POPDC2: variants seen among roughly 807,000 people sequenced by gnomAD.
POPDC2 encodes the protein popeye domain cAMP effector 2, also known as popeye domain-containing protein 2.
In POPDC2, 24 loss-of-function variants were observed where a neutral mutation model predicts 30.5. That is an observed-to-expected ratio of 0.79 (90% CI 0.57 to 1.11). The LOEUF is 1.11. Among genes scored for constraint, POPDC2 ranks in the 50% least tolerant of loss-of-function variants. The pLI is 0.00. For synonymous variants in POPDC2, 185 were observed against 183.3 expected (o/e 1.01, Z -0.07); for missense variants, 409 against 447.0 (o/e 0.91, Z 0.77).
intron 1 of POPDC2, among the ~76,000 whole-genome samples, chr3:119,655,500 C>T (rs1467465095): frequency 1.3e-5 from 2 of 152,208 alleles, no homozygotes; most frequent in African/African-American, 4.8e-5. Context: ...TCTGTCATCA[C>T]AGAAAGTTCT....
chr3:119,645,290 C>T (rs2052732640), intron 3 of POPDC2, among the ~76,000 whole-genome samples: 2 of 152,230 alleles, frequency 1.3e-5, no homozygotes, highest in South Asian at 2.1e-4. Context: ...AGGCCGGGCG[C>T]AGTGGCTCAC....
At chr3:119,647,625 C>G (rs938706484) in intron 3 of POPDC2, among the ~76,000 whole-genome samples, 1 of 152,220 alleles carries the variant, frequency 6.6e-6, no homozygotes, top group Non-Finnish European at 1.5e-5. Context: ...TTTTCCTCCC[C>G]GAGCTATTAG....
chr3:119,659,960 T>C lies in POPDC2; in HGVS notation c.464A>G (p.Asn155Ser), dbSNP rs199588679. ...TYAVEGETPI[N>S]RLSLLLSGRV... ...GCCAGAGAGCAGCAGGGACAGGCGG[T>C]TGATGGGTGTCTCACCCTCCACAGC... The change falls in exon 1 of 4, where the codon AAC (asparagine) becomes AGC (serine). Residue 155 changes from asparagine to serine, a missense_variant. Physicochemically the swap from Asn to Ser is conservative, Grantham distance 46 (BLOSUM62 1). Transcript: ENST00000493094. 5 of 1,598,064 alleles carry C rather than the reference T, an allele frequency of 3.1e-6. No individual in the cohort carries two copies. In the Admixed American group the frequency reaches 5.0e-5, roughly 16 times the overall value.
rs1426156798 is a variant in POPDC2, at chr3:119,648,668, C to G, written c.601G>C (p.Val201Leu). Residue 201 changes from valine (V) to leucine (L), a missense_variant and splice_region_variant, in exon 3 of 4, where the codon GTC (valine) becomes CTC (leucine). Val to Leu is a conservative substitution (Grantham distance 32, BLOSUM62 1). Coordinates refer to ENST00000493094, the MANE Select transcript of POPDC2 (RefSeq NM_001369919.2). ...LQPSEEGVFQ[V>L]TLTAETSCSY... ...CATGAGGTCTCAGCAGTCAGAGTGA[C>G]CTGAGAGGGGTCAGAAGCAGACAAT... The G allele has an allele frequency of 6.2e-6, 10 of 1,609,954 alleles. No homozygotes were observed. Among genetic ancestry groups the G allele is most frequent in the Non-Finnish European group, 8.5e-6 (10 of 1,177,882 alleles).
At chr3:119,659,213 T>A (rs987590823) in intron 1 of POPDC2, among the ~76,000 whole-genome samples, 1 of 152,238 alleles carries the variant, frequency 6.6e-6, no homozygotes, top group Non-Finnish European at 1.5e-5. Context: ...AAAGAGGCGG[T>A]GCTTCCACAA....
chr3:119,647,247 G>C (rs1262577692), intron 3 of POPDC2, among the ~76,000 whole-genome samples: 4 of 152,286 alleles, frequency 2.6e-5, no homozygotes, highest in African/African-American at 9.6e-5. Context: ...TCCAAATTGG[G>C]AACAATGGGA....
At chr3:119,643,512 C>T (rs1221152193) in intron 3 of POPDC2, 3 of 1,115,724 alleles carry the variant, frequency 2.7e-6, no homozygotes, top group South Asian at 2.7e-5. Context: ...ACAACAGAAT[C>T]TTAAAATACG....
Position 119,648,232 on chromosome 3 carries a change from T to C in POPDC2, c.1037A>G (p.Glu346Gly). 1 of 1,606,346 alleles carries C rather than the reference T, an allele frequency of 6.2e-7. No homozygotes were observed. Among genetic ancestry groups the C allele is most frequent in the Non-Finnish European group, 8.5e-7 (1 of 1,176,118 alleles). Residue 346 changes from glutamate (E) to glycine (G), a missense_variant, in exon 3 of 4, where the codon GAG becomes GGG. Coordinates refer to ENST00000493094, the MANE Select transcript of POPDC2 (RefSeq NM_001369919.2). ...LGEDSTSLVL[E>G]DFEEVSGSES... Reference sequence around the variant, plus strand: ...TGATCCTGACACCTCCTCAAAATCCTCCAGCACCAGACTGGTGGAGTCCTC... The same window carrying C: ...TGATCCTGACACCTCCTCAAAATCCCCCAGCACCAGACTGGTGGAGTCCTC...
rs547077659 is a variant in POPDC2 at position 119,642,436 on chromosome 3, G to A, written c.*169C>T. On this transcript the variant is annotated 3_prime_UTR_variant, in exon 4 of 4. Transcript: ENST00000493094. Reference sequence around the variant, plus strand: ...CAGTGGCCATTCTGTGAACACAGAAGAGAGCTGCGCTGGCCACAGAGAAGA... The same window carrying A: ...CAGTGGCCATTCTGTGAACACAGAAAAGAGCTGCGCTGGCCACAGAGAAGA... The A allele has an allele frequency of 2.8e-6, 4 of 1,417,504 alleles. No individual in the cohort carries two copies. The highest frequency in any genetic ancestry group is 1.7e-5 in the Admixed American group (1 of 58,294). 87.8% of individuals were successfully genotyped at this position (1,417,504 alleles called of 1,614,324 possible). A position where few individuals can be genotyped will look rare whatever the true frequency, so the allele number is the denominator to read the frequency against.
intron 3 of POPDC2, among the ~76,000 whole-genome samples, chr3:119,645,566 C>CAAAAAAAAA (rs201320482): frequency 8.7e-6 from 1 of 115,350 alleles, no homozygotes; most frequent in African/African-American, 3.3e-5. Flanking sequence ...CCGTCTCAAA[C>CAAAAAAAAA]AAAAAAAAAA....
intron 2 of POPDC2, among the ~76,000 whole-genome samples, chr3:119,650,045 A>C (rs1278914025): frequency 2.0e-5 from 3 of 152,256 alleles, no homozygotes; most frequent in Non-Finnish European, 2.9e-5. Context: ...CAATCTGTCC[A>C]TTACTAATAG....
At chr3:119,647,339 G>C (rs2052756723) in intron 3 of POPDC2, among the ~76,000 whole-genome samples, 1 of 152,168 alleles carries the variant, frequency 6.6e-6, no homozygotes, top group South Asian at 2.1e-4. Context: ...GGGCAGCCAG[G>C]GAAACATGAG....
chr3:119,647,468 C>G (rs2052758471), intron 3 of POPDC2, among the ~76,000 whole-genome samples: 1 of 152,214 alleles, frequency 6.6e-6, no homozygotes, highest in East Asian at 1.9e-4. Flanking sequence ...CATCCTACCT[C>G]CCACAGGTGT....
At chr3:119,648,701 T>G in intron 2 of POPDC2, 33 bp from the exon 3 acceptor site, 1 of 1,561,784 alleles carries the variant, frequency 6.4e-7, no homozygotes, top group Non-Finnish European at 8.7e-7. Flanking sequence ...AATAAAAGTT[T>G]AAACTAGAAA....
At chr3:119,648,077 C>A in intron 3 of POPDC2, 42 bp downstream of exon 3, 8 of 1,392,578 alleles carry the variant, frequency 5.7e-6, no homozygotes, top group Non-Finnish European at 7.5e-6. Context: ...TTAAGGCCAG[C>A]CATTGACAGG....
chr3:119,643,551 TA>T (rs2052713508), intron 3 of POPDC2: 4 of 812,446 alleles, frequency 4.9e-6, no homozygotes, highest in Admixed American at 2.2e-5. Context: ...CTTCAGAGCT[TA>T]AAAACTGCCT....
chr3:119,646,548 A>G (rs2052748274), intron 3 of POPDC2, among the ~76,000 whole-genome samples: 1 of 152,084 alleles, frequency 6.6e-6, no homozygotes, highest in South Asian at 2.1e-4. Flanking sequence ...CTGGGATGGG[A>G]GGATCGCTTG....
chr3:119,644,496 T>C (rs984126091), intron 3 of POPDC2, among the ~76,000 whole-genome samples: 10 of 152,346 alleles, frequency 6.6e-5, no homozygotes, highest in Admixed American at 5.9e-4. Flanking sequence ...TCCTGCAGCA[T>C]AGTTTTGCCT....
At chr3:119,647,976 G>A in intron 3 of POPDC2, 143 bp downstream of exon 3, 1 of 586,006 alleles carries the variant, frequency 1.7e-6, no homozygotes, top group Non-Finnish European at 2.9e-6. Context: ...GGAGTGAGTT[G>A]CTATCTTCAA....
Sources: gnomAD v4.1 joint callset for allele counts (sites outside exome capture counted in the v4.1 genomes callset) on GRCh38, gnomAD v4.1.1 for gene constraint, MANE v1.5 for transcripts, NCBI Gene and HGNC (gene_info 2026-07-23, HGNC 2026-07-21) for gene names.